Variants in NRXN3 observed in about 807,000 individuals in gnomAD.
NRXN3 encodes the protein neurexin 3, also known as neurexin III.
Under a neutral mutation model 137.6 loss-of-function variants are expected in NRXN3, and 32 were observed. The observed-to-expected ratio is 0.23, with a 90% confidence interval of 0.18 to 0.31. NRXN3 has a LOEUF of 0.31. Ranked by LOEUF, NRXN3 falls within the 10% of genes least tolerant of loss-of-function variation. NRXN3 has a pLI of 1.00. For missense variants in NRXN3, 1,574 were observed against 2,062.5 expected (o/e 0.76, Z 4.59); for synonymous variants, 798 against 784.5 (o/e 1.02, Z -0.29).
At chr14:78,378,031 A>G (rs977389678) in intron 4 of NRXN3, among the ~76,000 whole-genome samples, 2 of 152,186 alleles carry the variant, frequency 1.3e-5, no homozygotes, top group East Asian at 1.9e-4. Context: ...CATAAAACAA[A>G]CCTCAATAAA....
chr14:79,361,947 A>T (rs1051958961), intron 15 of NRXN3, among the ~76,000 whole-genome samples: 3 of 151,030 alleles, frequency 2.0e-5, no homozygotes, highest in Admixed American at 6.6e-5. Context: ...CAAATGTAAG[A>T]CTCTCGAGGC....
intron 10 of NRXN3, among the ~76,000 whole-genome samples, chr14:78,817,603 A>G (rs1042439688): frequency 6.6e-6 from 1 of 152,186 alleles, no homozygotes; most frequent in Non-Finnish European, 1.5e-5. Flanking sequence ...CGAGGGCTTC[A>G]TGCTGCTTCC....
intron 15 of NRXN3, among the ~76,000 whole-genome samples, chr14:79,237,997 G>A (rs775413176): frequency 6.6e-6 from 1 of 152,118 alleles, no homozygotes; most frequent in African/African-American, 2.4e-5. Context: ...TTTTAATTAT[G>A]AGGTATTTTT....
intron 15 of NRXN3, among the ~76,000 whole-genome samples, chr14:79,186,515 G>A (rs1039296018): frequency 3.3e-5 from 5 of 152,092 alleles, no homozygotes; most frequent in Non-Finnish European, 5.9e-5. Flanking sequence ...CATGCTTTCA[G>A]TAATTACATT....
intron 19 of NRXN3, among the ~76,000 whole-genome samples, chr14:79,728,800 C>T (rs750316155): frequency 5.9e-5 from 9 of 152,146 alleles, no homozygotes; most frequent in Non-Finnish European, 8.8e-5. Context: ...GTAAGTTCTT[C>T]ATTTGTCTCC....
intron 16 of NRXN3, among the ~76,000 whole-genome samples, chr14:79,491,871 A>G (rs903805810): frequency 2.0e-5 from 3 of 152,206 alleles, no homozygotes; most frequent in Non-Finnish European, 4.4e-5. Flanking sequence ...TTGCTTCTTA[A>G]AATTTGTTTT....
chr14:78,763,136 A>C (rs1253067695), intron 8 of NRXN3, among the ~76,000 whole-genome samples: 1 of 152,212 alleles, frequency 6.6e-6, no homozygotes, highest in East Asian at 1.9e-4. Context: ...GTGCGGATTC[A>C]AGGCAATGCT....
intron 15 of NRXN3, among the ~76,000 whole-genome samples, chr14:79,238,408 C>A (rs991586502): frequency 6.6e-6 from 1 of 152,062 alleles, no homozygotes; most frequent in Non-Finnish European, 1.5e-5. Flanking sequence ...GGATGTGAGG[C>A]ACTTGAGGAG....
intron 4 of NRXN3, among the ~76,000 whole-genome samples, chr14:78,538,701 A>G (rs960585602): frequency 1.3e-5 from 2 of 152,158 alleles, no homozygotes; most frequent in African/African-American, 4.8e-5. Flanking sequence ...CAGTTTTCAA[A>G]GGGAATGCTT....
At chr14:78,510,977 A>T (rs1483795771) in intron 4 of NRXN3, among the ~76,000 whole-genome samples, 1 of 152,218 alleles carries the variant, frequency 6.6e-6, no homozygotes, top group Non-Finnish European at 1.5e-5. Context: ...GGTTTCATAA[A>T]TTATAAAAAT....
chr14:79,278,654 C>A (rs1409156674), intron 15 of NRXN3, among the ~76,000 whole-genome samples: 2 of 152,232 alleles, frequency 1.3e-5, no homozygotes, highest in African/African-American at 4.8e-5. Flanking sequence ...CGGACGATAA[C>A]CTCTGGATTT....
intron 16 of NRXN3, among the ~76,000 whole-genome samples, chr14:79,648,953 G>A (rs1433802114): frequency 1.3e-5 from 2 of 152,142 alleles, no homozygotes; most frequent in Non-Finnish European, 2.9e-5. Context: ...CCTGCAGAAA[G>A]TTTTTTGAAG....
At chr14:79,344,672 C>T (rs970178596) in intron 15 of NRXN3, among the ~76,000 whole-genome samples, 3 of 152,010 alleles carry the variant, frequency 2.0e-5, no homozygotes, top group South Asian at 4.2e-4. Context: ...AAATAAGAAA[C>T]AGATTCAGAT....
chr14:79,799,620 T>A (rs1483300525), intron 19 of NRXN3, among the ~76,000 whole-genome samples: 1 of 152,164 alleles, frequency 6.6e-6, no homozygotes, highest in African/African-American at 2.4e-5. Flanking sequence ...AAATAAACCG[T>A]GTTTTAGACC....
At chr14:78,924,047 C>T (rs2099278185) in intron 10 of NRXN3, among the ~76,000 whole-genome samples, 2 of 151,948 alleles carry the variant, frequency 1.3e-5, no homozygotes, top group South Asian at 2.1e-4. Flanking sequence ...GCCAGGAGTT[C>T]GAGACCAGCC....
At chr14:78,930,822 T>A (rs778910119) in intron 10 of NRXN3, among the ~76,000 whole-genome samples, 15 of 152,178 alleles carry the variant, frequency 9.9e-5, no homozygotes, top group South Asian at 2.1e-4. Flanking sequence ...ATCTTCTAGG[T>A]ATATCTATCC....
In NRXN3 at chr14:79,703,961, C is replaced by T. The variant is rs531574239; in HGVS notation, c.4014+6024C>T. 3.9e-5 allele frequency among the ~76,000 whole-genome samples: 6 copies of T among 152,190 alleles called. No individual in the cohort carries two copies. The South Asian group carries it at 1.2e-3, about 32-fold the overall frequency. On this transcript the variant is annotated intron_variant, in intron 19 of 20. Coordinates refer to ENST00000335750, the MANE Select transcript of NRXN3 (RefSeq NM_001330195.2). ...CCTAGAGCTTAGCCTTCCTGTGGGG[C>T]TGGATAAGCCCAGGAACAATTTTGT...
intron 4 of NRXN3, among the ~76,000 whole-genome samples, chr14:78,543,878 G>A (rs997915674): frequency 2.6e-5 from 4 of 152,132 alleles, no homozygotes; most frequent in African/African-American, 7.2e-5. Context: ...GGAATCAAGG[G>A]TGTGTTTTCT....
intron 9 of NRXN3, among the ~76,000 whole-genome samples, chr14:78,806,943 G>T (rs1433109841): frequency 1.3e-5 from 2 of 152,156 alleles, no homozygotes; most frequent in East Asian, 3.9e-4. Context: ...TTACAGATGT[G>T]TAGCACAGAG....
Sources: gnomAD v4.1 joint callset for allele counts (sites outside exome capture counted in the v4.1 genomes callset) on GRCh38, gnomAD v4.1.1 for gene constraint, MANE v1.5 for transcripts, NCBI Gene and HGNC (gene_info 2026-07-23, HGNC 2026-07-21) for gene names.